The following IGSF3 variants were observed in gnomAD, a reference collection of about 807,000 sequenced individuals.
IGSF3 encodes the protein glu-Trp-Ile EWI motif-containing protein 3.
IGSF3 carries 23 observed loss-of-function variants against 114.4 expected under a neutral mutation model. The observed-to-expected ratio is 0.20, with a 90% confidence interval of 0.14 to 0.28. IGSF3 has a LOEUF of 0.28. Among genes scored for constraint, IGSF3 ranks in the 10% least tolerant of loss-of-function variants. IGSF3 has a pLI of 1.00. For synonymous variants in IGSF3, 571 were observed against 645.2 expected (o/e 0.88, Z 1.74); for missense variants, 1,172 against 1,591.5 (o/e 0.74, Z 4.48).
rs1351820490 is a variant in IGSF3, at chr1:116,614,962, G to T, written c.422-787C>A. On this transcript the variant is annotated intron_variant, in intron 3 of 10. Coordinates refer to ENST00000369486, the MANE Select transcript of IGSF3 (RefSeq NM_001007237.3). This position sits in a 1 kb window ranked among gnomAD's most constrained non-coding sequence, Gnocchi z 4.5. ...TGTTTTCTCCCTGTTCTCACCCAAG[G>T]CTTGGGTCTTACGGGTCTCCTGCTG... 6.6e-6 allele frequency among the ~76,000 whole-genome samples: 1 copy of T among 152,088 alleles called. No homozygotes were observed. The highest frequency in any genetic ancestry group is 2.1e-4 in the South Asian group (1 of 4,826).
rs1409807122 is a variant in IGSF3, at chr1:116,648,221, C to T, written c.43+18063G>A. Among the ~76,000 whole-genome samples the T allele has an allele frequency of 6.6e-6, 1 of 152,218 alleles. No homozygotes were observed. Among genetic ancestry groups the T allele is most frequent in the Non-Finnish European group, 1.5e-5 (1 of 68,042 alleles). Reference sequence around the variant, plus strand: ...AAAATAAGAATGTCAACTCTCCATTCAACAGAGAAACAGTGCCACCACTGT... The same window carrying T: ...AAAATAAGAATGTCAACTCTCCATTTAACAGAGAAACAGTGCCACCACTGT... On this transcript the variant is annotated intron_variant, in intron 2 of 10. Coordinates refer to ENST00000369486, the MANE Select transcript of IGSF3 (RefSeq NM_001007237.3). The surrounding 1 kb of genome is among the most constrained non-coding windows in gnomAD (Gnocchi z 4.7).
intron 2 of IGSF3, among the ~76,000 whole-genome samples, chr1:116,637,991 T>C (rs1647913949): frequency 6.6e-6 from 1 of 152,206 alleles, no homozygotes; most frequent in Non-Finnish European, 1.5e-5. Flanking sequence ...GCTCTTGTCC[T>C]GCCTATAAGT....
intron 2 of IGSF3, among the ~76,000 whole-genome samples, chr1:116,623,576 G>A (rs1199200577): frequency 6.6e-6 from 1 of 152,078 alleles, no homozygotes; most frequent in Admixed American, 6.6e-5. Context: ...GGAGGCTGAG[G>A]CAGGAGAATT....
rs925731422 is a variant in IGSF3 at position 116,593,001 on chromosome 1, G to A, written c.2030-3897C>T. Among the ~76,000 whole-genome samples, 2 of 152,344 alleles carry A rather than the reference G, an allele frequency of 1.3e-5. No homozygotes were observed. Among genetic ancestry groups the A allele is most frequent in the Non-Finnish European group, 2.9e-5 (2 of 68,038 alleles). On this transcript the variant is annotated intron_variant, in intron 7 of 10. Coordinates refer to ENST00000369486, the MANE Select transcript of IGSF3 (RefSeq NM_001007237.3). This position sits in a 1 kb window ranked among gnomAD's most constrained non-coding sequence, Gnocchi z 4.5. Reference sequence around the variant, plus strand: ...CAGAGAGAGGGGACAAGAGGAAAAAGATGACAACTACCCTGTGCACTCTAT... The same window carrying A: ...CAGAGAGAGGGGACAAGAGGAAAAAAATGACAACTACCCTGTGCACTCTAT...
chr1:116,590,012 T>C (rs1421909452), intron 7 of IGSF3, among the ~76,000 whole-genome samples: 1 of 151,454 alleles, frequency 6.6e-6, no homozygotes, highest in African/African-American at 2.4e-5. Flanking sequence ...GGTGAGCGAA[T>C]GAGAGCACGT....
At position 116,650,083 on chromosome 1, in the gene IGSF3, C is replaced by T. The variant is rs953816466; in HGVS notation, c.43+16201G>A. Among the ~76,000 whole-genome samples the T allele has an allele frequency of 6.6e-6, 1 of 152,188 alleles. No homozygotes were observed. Among genetic ancestry groups the T allele is most frequent in the Non-Finnish European group, 1.5e-5 (1 of 68,046 alleles). Reference sequence around the variant, plus strand: ...GCCTTACCACAAAGCTAAGCTCTGTCTCTGAATAATGTGCTTTTTGATGAT... The same window carrying T: ...GCCTTACCACAAAGCTAAGCTCTGTTTCTGAATAATGTGCTTTTTGATGAT... On this transcript the variant is annotated intron_variant, in intron 2 of 10. Coordinates refer to ENST00000369486, the MANE Select transcript of IGSF3 (RefSeq NM_001007237.3). The surrounding 1 kb of genome is among the most constrained non-coding windows in gnomAD (Gnocchi z 5.0).
At position 116,598,632 on chromosome 1, in the gene IGSF3, C is replaced by A. The variant is rs1660440414; in HGVS notation, c.2029+1309G>T. ...AAGCAGTCAGGCAGACTAGGTCAGGCACTAACCATGGCTGTTAGTGGGCAG... is the reference window on the plus strand; with the variant it reads ...AAGCAGTCAGGCAGACTAGGTCAGGAACTAACCATGGCTGTTAGTGGGCAG... On this transcript the variant is annotated intron_variant, in intron 7 of 10. Transcript: ENST00000369486. The surrounding 1 kb of genome is among the most constrained non-coding windows in gnomAD (Gnocchi z 4.3). Among the ~76,000 whole-genome samples the A allele has an allele frequency of 6.6e-6, 1 of 152,232 alleles. No homozygotes were observed. Among genetic ancestry groups the A allele is most frequent in the South Asian group, 2.1e-4 (1 of 4,834 alleles).
In IGSF3 at chr1:116,577,633, G is replaced by A. The variant is rs192435081; in HGVS notation, c.3335-71C>T. 5,123 of 1,468,094 alleles carry A rather than the reference G, an allele frequency of 3.5e-3. 49 individuals are homozygous for A. The highest frequency in any genetic ancestry group is 0.026 in the South Asian group (2,080 of 80,200). 90.9% of individuals were successfully genotyped at this position (1,468,094 alleles called of 1,614,324 possible). On this transcript the variant is annotated intron_variant, in intron 10 of 10. Transcript: ENST00000369486. The surrounding 1 kb of genome is among the most constrained non-coding windows in gnomAD (Gnocchi z 5.7). ...TGGACTGCTCACATTTCCTTTTGAA[G>A]ACCTCACCTGACCCAGTGGAAGCTC...
In IGSF3 at chr1:116,584,799, G is replaced by C. The variant is rs149962221; in HGVS notation, c.2694C>G (p.Pro898=). The part of the protein sequence containing the change: ...KGRLHLESPS[P]GVYRLFIQNV... Reference sequence around the variant, plus strand: ...TCTGGATGAAGAGACGGTACACGCCGGGGGAAGGACTCTCCAAATGCAGCC... The same window carrying C: ...TCTGGATGAAGAGACGGTACACGCCCGGGGAAGGACTCTCCAAATGCAGCC... The change falls in exon 9 of 11, where the codon CCC becomes CCG. Residue 898 remains proline, a synonymous_variant. Coordinates refer to ENST00000369486, the MANE Select transcript of IGSF3 (RefSeq NM_001007237.3). This position sits in a 1 kb window ranked among gnomAD's most constrained non-coding sequence, Gnocchi z 5.8. 8 of 1,614,090 alleles carry C rather than the reference G, an allele frequency of 5.0e-6. No individual in the cohort carries two copies. Among genetic ancestry groups the C allele is most frequent in the Non-Finnish European group, 6.8e-6 (8 of 1,180,042 alleles).
Position 116,636,456 on chromosome 1 carries a change from T to C in IGSF3, c.44-19999A>G, listed in dbSNP as rs1403568963. 6.6e-6 allele frequency among the ~76,000 whole-genome samples: 1 copy of C among 152,200 alleles called. No individual in the cohort carries two copies. Among genetic ancestry groups the C allele is most frequent in the Non-Finnish European group, 1.5e-5 (1 of 68,032 alleles). On this transcript the variant is annotated intron_variant, in intron 2 of 10. Transcript: ENST00000369486. The surrounding 1 kb of genome is among the most constrained non-coding windows in gnomAD (Gnocchi z 4.5). ...AGCATGAAGTAGACAATGATGTTCTTAGCATCCAGTCTTAAAACTAGAAAA... is the reference window on the plus strand; with the variant it reads ...AGCATGAAGTAGACAATGATGTTCTCAGCATCCAGTCTTAAAACTAGAAAA...
At chr1:116,656,315 T>C (rs2101078136) in intron 2 of IGSF3, among the ~76,000 whole-genome samples, 1 of 142,828 alleles carries the variant, frequency 7.0e-6, no homozygotes, top group South Asian at 2.3e-4. Context: ...TTTTTTTTTT[T>C]TTTTTGACGG....
chr1:116,603,782 A>C lies in IGSF3; in HGVS notation c.1466T>G (p.Val489Gly). Residue 489 changes from valine to glycine, a missense_variant, in exon 6 of 11, where the codon GTG becomes GGG. Coordinates refer to ENST00000369486, the MANE Select transcript of IGSF3 (RefSeq NM_001007237.3). The surrounding 1 kb of genome is among the most constrained non-coding windows in gnomAD (Gnocchi z 7.1). ...SSFGGVQMEQ[V>G]QPNSFSLGIF... ...GCCCAGGCTGAACGAGTTGGGCTGC[A>C]CCTGCTCCATCTGGACGCCCCCAAA... The C allele has an allele frequency of 5.0e-6, 8 of 1,614,002 alleles. No homozygotes were observed. The highest frequency in any genetic ancestry group is 6.8e-6 in the Non-Finnish European group (8 of 1,179,878).
intron 2 of IGSF3, among the ~76,000 whole-genome samples, chr1:116,621,615 T>A (rs1373708485): frequency 6.6e-6 from 1 of 152,196 alleles, no homozygotes; most frequent in Non-Finnish European, 1.5e-5. Context: ...CTTTTTTTTT[T>A]ACATCAATAT....
In IGSF3 at chr1:116,636,537, A is replaced by C. The variant is rs1647837931; in HGVS notation, c.44-20080T>G. Among the ~76,000 whole-genome samples the C allele has an allele frequency of 6.6e-6, 1 of 152,228 alleles. No individual in the cohort carries two copies. Among genetic ancestry groups the C allele is most frequent in the South Asian group, 2.1e-4 (1 of 4,832 alleles). On this transcript the variant is annotated intron_variant, in intron 2 of 10. Coordinates refer to ENST00000369486, the MANE Select transcript of IGSF3 (RefSeq NM_001007237.3). The surrounding 1 kb of genome is among the most constrained non-coding windows in gnomAD (Gnocchi z 4.5). ...AGAATGGTGTGTGGCACCTGAACAG[A>C]CCTCAAAAATATTAGTTGAGTGGAG...
Position 116,633,772 on chromosome 1 carries a change from T to C in IGSF3, c.44-17315A>G, listed in dbSNP as rs1045080715. Among the ~76,000 whole-genome samples the C allele has an allele frequency of 1.1e-4, 17 of 152,160 alleles. No homozygotes were observed. Among genetic ancestry groups the C allele is most frequent in the African/African-American group, 3.9e-4 (16 of 41,430 alleles). ...GGGGTGAAAGAACACTGAGAAACCA[T>C]AGAAAGCAAAAATGAAAAGCCAACA... On this transcript the variant is annotated intron_variant, in intron 2 of 10. Coordinates refer to ENST00000369486, the MANE Select transcript of IGSF3 (RefSeq NM_001007237.3). The surrounding 1 kb of genome is among the most constrained non-coding windows in gnomAD (Gnocchi z 4.3).
At chr1:116,621,229 G>A (rs3965238) in intron 2 of IGSF3, among the ~76,000 whole-genome samples, 16 of 152,100 alleles carry the variant, frequency 1.1e-4, no homozygotes, top group South Asian at 2.1e-4. Flanking sequence ...CCCAGAAGCC[G>A]AGCAGATGCC....
rs1298000054 is a variant in IGSF3, at chr1:116,665,860, C to T, written c.43+424G>A. ...CTCAAAAAAGGCACCATCATTATCACCCAAACCAACTTTCGAGACAGAGGG... is the reference window on the plus strand; with the variant it reads ...CTCAAAAAAGGCACCATCATTATCATCCAAACCAACTTTCGAGACAGAGGG... On this transcript the variant is annotated intron_variant, in intron 2 of 10. Transcript: ENST00000369486. The surrounding 1 kb of genome is among the most constrained non-coding windows in gnomAD (Gnocchi z 4.0). 6.6e-6 allele frequency among the ~76,000 whole-genome samples: 1 copy of T among 152,178 alleles called. No individual in the cohort carries two copies. The highest frequency in any genetic ancestry group is 2.4e-5 in the African/African-American group (1 of 41,434).
Position 116,664,924 on chromosome 1 carries a change from A to T in IGSF3, c.43+1360T>A, listed in dbSNP as rs1352693405. On this transcript the variant is annotated intron_variant, in intron 2 of 10. Coordinates refer to ENST00000369486, the MANE Select transcript of IGSF3 (RefSeq NM_001007237.3). This position sits in a 1 kb window ranked among gnomAD's most constrained non-coding sequence, Gnocchi z 4.6. ...CCACTCCCTAAGCGAGTTTGGTTTC[A>T]CTGATCTGGGGTTGTTGCCTGAAAT... Among the ~76,000 whole-genome samples the T allele has an allele frequency of 6.6e-6, 1 of 152,166 alleles. No homozygotes were observed. The highest frequency in any genetic ancestry group is 1.5e-5 in the Non-Finnish European group (1 of 68,030).
chr1:116,613,150 C>G (rs1434175751), intron 4 of IGSF3, among the ~76,000 whole-genome samples: 1 of 152,200 alleles, frequency 6.6e-6, no homozygotes, highest in Non-Finnish European at 1.5e-5. Flanking sequence ...GCATCTTCAC[C>G]TGCAAAATAG....
Sources: gnomAD v4.1 joint callset for allele counts (sites outside exome capture counted in the v4.1 genomes callset) on GRCh38, gnomAD v4.1.1 for gene constraint, Gnocchi (gnomAD v3.1) non-coding constraint, MANE v1.5 for transcripts, NCBI Gene and HGNC (gene_info 2026-07-23, HGNC 2026-07-21) for gene names.